The following KCNIP4 variants were observed in gnomAD, a reference collection of about 807,000 sequenced individuals.
KCNIP4 encodes the protein potassium voltage-gated channel interacting protein 4.
KCNIP4 carries 12 observed loss-of-function variants against 34.0 expected under a neutral mutation model. The ratio of observed to expected loss-of-function variants is 0.35; its 90% CI spans 0.23 to 0.57. The LOEUF is 0.57. Among genes scored for constraint, KCNIP4 ranks in the 20% least tolerant of loss-of-function variants. The pLI, the probability that KCNIP4 is intolerant of heterozygous loss-of-function variation, is 0.83. For missense variants in KCNIP4, 238 were observed against 311.7 expected (o/e 0.76, Z 1.78); for synonymous variants, 124 against 102.2 (o/e 1.21, Z -1.29).
At chr4:21,123,593 A>G (rs1036108151) in intron 1 of KCNIP4, among the ~76,000 whole-genome samples, 7 of 152,234 alleles carry the variant, frequency 4.6e-5, no homozygotes, top group Non-Finnish European at 1.0e-4. Context: ...ATTTTAATTT[A>G]TTAAAATAAT....
chr4:21,374,914 C>T (rs768875521), intron 1 of KCNIP4, among the ~76,000 whole-genome samples: 3 of 147,358 alleles, frequency 2.0e-5, no homozygotes, highest in Non-Finnish European at 4.4e-5. Context: ...ATTTCTTGGA[C>T]TTATTTATAC....
At chr4:20,973,046 C>T (rs539717333) in intron 1 of KCNIP4, among the ~76,000 whole-genome samples, 1 of 152,252 alleles carries the variant, frequency 6.6e-6, no homozygotes, top group Admixed American at 6.5e-5. Context: ...GTACTGGCTT[C>T]AACTTAAAAT....
chr4:21,428,515 G>A (rs978992536), intron 1 of KCNIP4, among the ~76,000 whole-genome samples: 3 of 152,162 alleles, frequency 2.0e-5, no homozygotes, highest in Non-Finnish European at 2.9e-5. Context: ...AACCACTACA[G>A]CTGACATGAG....
chr4:20,971,866 T>C (rs78186283), intron 1 of KCNIP4, among the ~76,000 whole-genome samples: 3,668 of 152,318 alleles, frequency 0.024, 156 homozygotes, highest in African/African-American at 0.084. Flanking sequence ...CTTTCAAAAT[T>C]AGACTCAATC....
intron 1 of KCNIP4, among the ~76,000 whole-genome samples, chr4:21,116,202 C>T (rs117146820): frequency 6.6e-6 from 1 of 152,172 alleles, no homozygotes; most frequent in African/African-American, 2.4e-5. Flanking sequence ...GAGTGCCCTC[C>T]AAACTGTTTA....
chr4:21,768,198 T>C (rs1218336237), intron 1 of KCNIP4, among the ~76,000 whole-genome samples: 1 of 152,098 alleles, frequency 6.6e-6, no homozygotes, highest in Non-Finnish European at 1.5e-5. Flanking sequence ...GAGAGCTTTT[T>C]AAGACCTAGG....
intron 1 of KCNIP4, among the ~76,000 whole-genome samples, chr4:21,171,018 G>A (rs957286081): frequency 6.6e-6 from 1 of 152,130 alleles, no homozygotes; most frequent in Admixed American, 6.6e-5. Flanking sequence ...ACTCTAACTT[G>A]TAGTCTGAGA....
chr4:21,345,862 G>A (rs554467898), intron 1 of KCNIP4, among the ~76,000 whole-genome samples: 23 of 151,562 alleles, frequency 1.5e-4, no homozygotes, highest in Non-Finnish European at 1.9e-4. Flanking sequence ...AGCCCATTAC[G>A]CTCCTAATAA....
At chr4:20,784,162 T>G (rs555156182) in intron 3 of KCNIP4, among the ~76,000 whole-genome samples, 20 of 152,334 alleles carry the variant, frequency 1.3e-4, no homozygotes, top group South Asian at 4.1e-4. Context: ...AGAGTAGAGT[T>G]TCTAATTCCT....
chr4:21,631,106 G>A (rs921414039), intron 1 of KCNIP4, among the ~76,000 whole-genome samples: 14 of 152,032 alleles, frequency 9.2e-5, no homozygotes, highest in African/African-American at 3.1e-4. Flanking sequence ...TTCTCTTGTT[G>A]CTCACAAGTT....
chr4:20,979,916 T>C (rs1247970352), intron 1 of KCNIP4, among the ~76,000 whole-genome samples: 1 of 152,186 alleles, frequency 6.6e-6, no homozygotes, highest in Admixed American at 6.5e-5. Context: ...ACGAGCCATA[T>C]CCAATTCACG....
intron 1 of KCNIP4, among the ~76,000 whole-genome samples, chr4:21,642,250 G>C (rs149526206): frequency 2.1e-4 from 32 of 152,152 alleles, no homozygotes; most frequent in African/African-American, 6.7e-4. Flanking sequence ...ACAGAAGAGT[G>C]GAATGACCTT....
chr4:21,836,421 C>A (rs568619206), intron 1 of KCNIP4, among the ~76,000 whole-genome samples: 1 of 152,044 alleles, frequency 6.6e-6, no homozygotes, highest in Admixed American at 6.6e-5. Context: ...AACCCAGGTG[C>A]GCAGTGATGC....
chr4:21,105,432 T>C (rs554465268), intron 1 of KCNIP4, among the ~76,000 whole-genome samples: 2 of 151,834 alleles, frequency 1.3e-5, no homozygotes, highest in South Asian at 2.1e-4. Context: ...CTTGTGATTT[T>C]TGCACATCAA....
Position 21,948,703 on chromosome 4 carries a change from A to G in KCNIP4, c.-72T>C. 1 of 1,467,552 alleles carries G rather than the reference A, an allele frequency of 6.8e-7. No homozygotes were observed. The highest frequency in any genetic ancestry group is 9.1e-7 in the Non-Finnish European group (1 of 1,094,000). 90.9% of individuals were successfully genotyped at this position (1,467,552 alleles called of 1,614,324 possible). On this transcript the variant is annotated 5_prime_UTR_variant, in exon 1 of 9. Transcript: ENST00000382152. ...CAGGGGCGTCTGTCCACGGGTCTGCACGGGAGCGCACCGCCGCTCGGCCCG... is the reference window on the plus strand; with the variant it reads ...CAGGGGCGTCTGTCCACGGGTCTGCGCGGGAGCGCACCGCCGCTCGGCCCG...
At chr4:20,946,262 G>A (rs1732182129) in intron 1 of KCNIP4, among the ~76,000 whole-genome samples, 1 of 152,172 alleles carries the variant, frequency 6.6e-6, no homozygotes, top group South Asian at 2.1e-4. Context: ...TAGCCAGAGT[G>A]ACTACTCTGA....
chr4:21,528,936 A>G (rs1297913474), intron 1 of KCNIP4, among the ~76,000 whole-genome samples: 1 of 151,984 alleles, frequency 6.6e-6, no homozygotes, highest in Non-Finnish European at 1.5e-5. Flanking sequence ...GCACCCTTAC[A>G]AGTGGTCATG....
chr4:20,860,004 C>T (rs2149493491), intron 2 of KCNIP4, among the ~76,000 whole-genome samples: 1 of 152,242 alleles, frequency 6.6e-6, no homozygotes, highest in East Asian at 1.9e-4. Context: ...TTAGGTCCTG[C>T]CAAAATACGG....
At chr4:20,842,771 CGT>C (rs1320996810) in intron 3 of KCNIP4, among the ~76,000 whole-genome samples, 1 of 151,800 alleles carries the variant, frequency 6.6e-6, no homozygotes, top group African/African-American at 2.4e-5. Context: ...GTGACAGCAG[CGT>C]GTGAGAGGCA....
Sources: gnomAD v4.1 joint callset for allele counts (sites outside exome capture counted in the v4.1 genomes callset) on GRCh38, gnomAD v4.1.1 for gene constraint, MANE v1.5 for transcripts, NCBI Gene and HGNC (gene_info 2026-07-23, HGNC 2026-07-21) for gene names.